Variants in B3GALT1 observed in about 807,000 individuals in gnomAD.
B3GALT1 encodes the protein UDP-Gal:betaGlcNAc beta 1,3-galactosyltransferase, polypeptide 1.
A neutral mutation model predicts 23.2 loss-of-function variants in B3GALT1; 10 were observed. That is an observed-to-expected ratio of 0.43 (90% CI 0.27 to 0.73). The LOEUF (loss-of-function observed/expected upper bound fraction) is 0.73. Among genes scored for constraint, B3GALT1 ranks in the 30% least tolerant of loss-of-function variants. The pLI is 0.21. For synonymous variants in B3GALT1, 156 were observed against 141.5 expected (o/e 1.10, Z -0.73); for missense variants, 299 against 405.4 (o/e 0.74, Z 2.25).
intron 1 of B3GALT1, among the ~76,000 whole-genome samples, chr2:167,415,820 G>A (rs1253331935): frequency 2.0e-5 from 3 of 152,170 alleles, no homozygotes; most frequent in African/African-American, 7.2e-5. Context: ...CATTGTGTCT[G>A]TGCCTTAGTT....
At chr2:167,822,822 G>A (rs1184575134) in intron 4 of B3GALT1, among the ~76,000 whole-genome samples, 1 of 152,072 alleles carries the variant, frequency 6.6e-6, no homozygotes, top group African/African-American at 2.4e-5. Flanking sequence ...CTTACCCGAG[G>A]GCACTTTTTA....
At chr2:167,865,497 T>C (rs1268504739) in intron 4 of B3GALT1, among the ~76,000 whole-genome samples, 1 of 150,574 alleles carries the variant, frequency 6.6e-6, no homozygotes, top group Non-Finnish European at 1.5e-5. Flanking sequence ...TGAACTGCTA[T>C]TGAAATAAAT....
At chr2:167,545,129 G>T (rs901705323) in intron 2 of B3GALT1, among the ~76,000 whole-genome samples, 1 of 140,800 alleles carries the variant, frequency 7.1e-6, no homozygotes, top group African/African-American at 2.7e-5. Context: ...CTGCCTCCCG[G>T]GTTCATGCCA....
intron 3 of B3GALT1, among the ~76,000 whole-genome samples, chr2:167,791,408 G>T (rs1415384678): frequency 6.6e-6 from 1 of 152,142 alleles, no homozygotes; most frequent in African/African-American, 2.4e-5. Context: ...TGGCTACCTG[G>T]TTTTTCCAAG....
rs74495773 is a variant in B3GALT1, at chr2:167,318,595, T to C, written c.-511+25261T>C. ...CTATATAAGGTTATAAAGTTATTCT[T>C]TAAAAACGAGTTCATTAAGATTTCA... On this transcript the variant is annotated intron_variant, in intron 1 of 4. Transcript: ENST00000392690. Among the ~76,000 whole-genome samples, 22 of 152,286 alleles carry C rather than the reference T, an allele frequency of 1.4e-4. No individual in the cohort carries two copies. In the East Asian group the frequency reaches 4.2e-3, roughly 29 times the overall value.
rs1285786645 is a variant in B3GALT1 at position 167,699,378 on chromosome 2, C to CTTTTTTTTTTT, written c.-352+52413_-352+52414insTTTTTTTTTTT. Among the ~76,000 whole-genome samples, 60 of 78,644 alleles carry CTTTTTTTTTTT rather than the reference C, an allele frequency of 7.6e-4. 1 individual carries two copies. Among genetic ancestry groups the CTTTTTTTTTTT allele is most frequent in the Non-Finnish European group, 1.0e-3 (40 of 39,554 alleles). 51.6% of individuals were successfully genotyped at this position (78,644 alleles called of 152,430 possible). On this transcript the variant is annotated intron_variant, in intron 3 of 4. Transcript: ENST00000392690. ...TTGGGGGAGTTTTTTGCCATTATTT[C>CTTTTTTTTTTT]TATTTTTTTTTTTTTTTTTTTTTTT...
chr2:167,840,174 C>G (rs1460476757), intron 4 of B3GALT1, among the ~76,000 whole-genome samples: 1 of 151,696 alleles, frequency 6.6e-6, no homozygotes, highest in African/African-American at 2.4e-5. Flanking sequence ...CCAAAATTGA[C>G]AAATGGGATC....
chr2:167,311,094 G>T (rs1017516491), intron 1 of B3GALT1, among the ~76,000 whole-genome samples: 2 of 151,916 alleles, frequency 1.3e-5, no homozygotes, highest in Non-Finnish European at 2.9e-5. Context: ...TTTCTCTTTA[G>T]ATTTAAGTCC....
intron 1 of B3GALT1, among the ~76,000 whole-genome samples, chr2:167,355,047 G>T (rs553282455): frequency 6.6e-6 from 1 of 152,246 alleles, no homozygotes; most frequent in South Asian, 2.1e-4. Flanking sequence ...ATCAGGTGTT[G>T]TCTCCTCCAT....
At chr2:167,669,743 G>C (rs1200315216) in intron 3 of B3GALT1, among the ~76,000 whole-genome samples, 1 of 151,922 alleles carries the variant, frequency 6.6e-6, no homozygotes, top group Non-Finnish European at 1.5e-5. Flanking sequence ...TTCATCTATA[G>C]ATGATATATA....
At chr2:167,690,309 CTT>C (rs1457484756) in intron 3 of B3GALT1, among the ~76,000 whole-genome samples, 3 of 151,758 alleles carry the variant, frequency 2.0e-5, no homozygotes, top group Non-Finnish European at 4.4e-5. Flanking sequence ...CTAAGCATAA[CTT>C]AACATTCCAA....
intron 3 of B3GALT1, among the ~76,000 whole-genome samples, chr2:167,765,960 G>A (rs1323846709): frequency 2.0e-5 from 3 of 152,156 alleles, no homozygotes; most frequent in Non-Finnish European, 4.4e-5. Flanking sequence ...ACAAACCTTT[G>A]TGACCAAGTG....
At chr2:167,578,439 T>G (rs568933146) in intron 2 of B3GALT1, among the ~76,000 whole-genome samples, 1 of 151,956 alleles carries the variant, frequency 6.6e-6, no homozygotes, top group African/African-American at 2.4e-5. Flanking sequence ...TTCAAACTGC[T>G]GCTAGAATCA....
chr2:167,462,690 G>A (rs1196205516), intron 1 of B3GALT1, among the ~76,000 whole-genome samples: 3 of 152,138 alleles, frequency 2.0e-5, no homozygotes, highest in South Asian at 2.1e-4. Context: ...GACAGGAATC[G>A]TAATAATTTA....
intron 1 of B3GALT1, among the ~76,000 whole-genome samples, chr2:167,329,840 A>T (rs1047379170): frequency 5.9e-5 from 9 of 151,854 alleles, no homozygotes; most frequent in African/African-American, 2.2e-4. Context: ...TCAGCCTTTG[A>T]ATCTATGTCC....
chr2:167,654,057 G>A (rs1039034974), intron 3 of B3GALT1, among the ~76,000 whole-genome samples: 13 of 152,104 alleles, frequency 8.5e-5, no homozygotes, highest in Admixed American at 6.6e-5. Flanking sequence ...GTACAGTGGT[G>A]GTTAAAGTGT....
chr2:167,630,465 G>A (rs950441419), intron 2 of B3GALT1, among the ~76,000 whole-genome samples: 2 of 151,706 alleles, frequency 1.3e-5, no homozygotes, highest in Non-Finnish European at 2.9e-5. Flanking sequence ...AGACATTTTG[G>A]TAGTCACTGG....
chr2:167,664,274 A>T (rs1197316624), intron 3 of B3GALT1, among the ~76,000 whole-genome samples: 8 of 151,022 alleles, frequency 5.3e-5, no homozygotes, highest in Non-Finnish European at 1.0e-4. Flanking sequence ...ATAGTTGTAG[A>T]TGTGTGGCGT....
At chr2:167,613,523 G>T (rs966417667) in intron 2 of B3GALT1, among the ~76,000 whole-genome samples, 6 of 151,580 alleles carry the variant, frequency 4.0e-5, no homozygotes, top group Admixed American at 2.0e-4. Flanking sequence ...ACTACTCATT[G>T]TCTCCTGTTT....
Sources: gnomAD v4.1 joint callset for allele counts (sites outside exome capture counted in the v4.1 genomes callset) on GRCh38, gnomAD v4.1.1 for gene constraint, MANE v1.5 for transcripts, NCBI Gene and HGNC (gene_info 2026-07-23, HGNC 2026-07-21) for gene names.